TNIK: variants seen among roughly 807,000 people sequenced by gnomAD.
TNIK encodes the protein TRAF2 and NCK-interacting protein kinase.
TNIK carries 49 observed loss-of-function variants against 191.3 expected under a neutral mutation model. The observed-to-expected ratio is 0.26, with a 90% confidence interval of 0.20 to 0.32. TNIK has a LOEUF of 0.32. Among genes scored for constraint, TNIK ranks in the 10% least tolerant of loss-of-function variants. The probability of loss-of-function intolerance (pLI) is 1.00; values close to 1 mark genes in which losing one functional copy is unlikely to be tolerated. For synonymous variants in TNIK, 594 were observed against 600.9 expected, an observed-to-expected ratio of 0.99 and a Z score of 0.17; for missense variants, 1,155 against 1,702.3, an observed-to-expected ratio of 0.68 and a Z score of 5.66.
chr3:171,336,770 A>G (rs1359723844), intron 2 of TNIK, among the ~76,000 whole-genome samples: 3 of 152,216 alleles, frequency 2.0e-5, no homozygotes, highest in Non-Finnish European at 4.4e-5. Context: ...CAGTTTTTCC[A>G]GTTCCAATTG....
intron 1 of TNIK, among the ~76,000 whole-genome samples, chr3:171,420,132 G>A (rs951698676): frequency 6.6e-6 from 1 of 152,136 alleles, no homozygotes; most frequent in Non-Finnish European, 1.5e-5. Context: ...ACTTATGAGG[G>A]TTTTTATTTC....
chr3:171,351,269 A>ATGTGTGTGTGTG (rs140083535), intron 2 of TNIK, among the ~76,000 whole-genome samples: 7,364 of 147,004 alleles, frequency 0.05, 217 homozygotes, highest in Non-Finnish European at 0.052. Context: ...ATATATGTAT[A>ATGTGTGTGTGTG]TATGTGTGTG....
chr3:171,139,569 G>A lies in TNIK; in HGVS notation c.1333-13C>T, dbSNP rs756694613. On this transcript the variant is annotated splice_polypyrimidine_tract_variant and intron_variant, in intron 13 of 32. Transcript: ENST00000436636. The stretch of plus-strand genomic sequence containing the variant: ...GCCTGATGTATTCCTGGAGAGGTAG[G>A]CAGCAGAGAATTCAGAGGAACAGAA... The A allele has an allele frequency of 1.1e-5, 18 of 1,613,094 alleles. No homozygotes were observed. The highest frequency in any genetic ancestry group is 3.3e-5 in the South Asian group (3 of 91,054).
At chr3:171,406,414 T>C (rs1721691461) in intron 1 of TNIK, among the ~76,000 whole-genome samples, 1 of 151,834 alleles carries the variant, frequency 6.6e-6, no homozygotes, top group Non-Finnish European at 1.5e-5. Flanking sequence ...CAAACACCAT[T>C]TGGGGTTTGG....
rs11915861 is a variant in TNIK at position 171,066,776 on chromosome 3, A to G, written c.3700-41T>C. ...AAGCCAAGCATTATTCTTTTAAAAA[A>G]TAAAACACCTTGACTATTCATCTCT... On this transcript the variant is annotated intron_variant, in intron 30 of 32. Transcript: ENST00000436636. The G allele has an allele frequency of 6.6e-4, 1,054 of 1,586,178 alleles. 9 individuals are homozygous for G. In the African/African-American group the frequency reaches 0.012, roughly 18 times the overall value.
At position 171,060,266 on chromosome 3, in the gene TNIK, G is replaced by C. The variant is rs1252621240; in HGVS notation, c.*3615C>G. On this transcript the variant is annotated 3_prime_UTR_variant, in exon 33 of 33. Transcript: ENST00000436636. ...TCCTGGCAGTGGATAAAACCAAAAT[G>C]GTTCTGGCTGGAATTTCACATCTTT... 6.6e-6 allele frequency among the ~76,000 whole-genome samples: 1 copy of C among 152,146 alleles called. No homozygotes were observed. Among genetic ancestry groups the C allele is most frequent in the African/African-American group, 2.4e-5 (1 of 41,436 alleles).
chr3:171,173,505 C>T (rs1735598797), intron 9 of TNIK, among the ~76,000 whole-genome samples: 1 of 152,162 alleles, frequency 6.6e-6, no homozygotes, highest in Non-Finnish European at 1.5e-5. Context: ...GAAGGACAAT[C>T]ACTTGTCCTA....
chr3:171,264,115 TATA>T (rs2109146244), intron 2 of TNIK, among the ~76,000 whole-genome samples: 1 of 103,162 alleles, frequency 9.7e-6, no homozygotes, highest in Non-Finnish European at 1.9e-5. Context: ...CACACACATA[TATA>T]TATATATATA....
At chr3:171,228,062 T>C in intron 3 of TNIK, 103 bp downstream of exon 3, 2 of 1,326,488 alleles carry the variant, frequency 1.5e-6, no homozygotes, top group Non-Finnish European at 2.1e-6. Context: ...CATTTTCAAC[T>C]TAACAATATT....
At chr3:171,380,870 G>A (rs533152868) in intron 1 of TNIK, among the ~76,000 whole-genome samples, 4 of 152,360 alleles carry the variant, frequency 2.6e-5, no homozygotes, top group African/African-American at 9.6e-5. Flanking sequence ...AGGGTGAGAT[G>A]GCCCAGAGCC....
intron 15 of TNIK, 95 bp from the exon 16 acceptor site, chr3:171,128,973 C>G: frequency 1.4e-6 from 2 of 1,428,866 alleles, no homozygotes; most frequent in African/African-American, 2.9e-5. Flanking sequence ...CCTGCACAGC[C>G]ATTTGAATCC....
At chr3:171,271,507 C>T (rs1237162860) in intron 2 of TNIK, among the ~76,000 whole-genome samples, 2 of 152,202 alleles carry the variant, frequency 1.3e-5, no homozygotes, top group East Asian at 3.8e-4. Flanking sequence ...ACACTTATGT[C>T]CATCTGTTCA....
intron 2 of TNIK, among the ~76,000 whole-genome samples, chr3:171,295,567 T>C (rs895362903): frequency 1.3e-5 from 2 of 152,152 alleles, no homozygotes; most frequent in Non-Finnish European, 2.9e-5. Flanking sequence ...CCTCTCACCC[T>C]CTCCACAAAG....
chr3:171,367,891 C>T (rs561920351), intron 2 of TNIK, among the ~76,000 whole-genome samples: 2 of 152,194 alleles, frequency 1.3e-5, no homozygotes, highest in South Asian at 4.1e-4. Context: ...TCACTGCATT[C>T]ACCATGACCA....
chr3:171,161,231 G>C (rs1197497779), intron 11 of TNIK, 39 bp downstream of exon 11: 8 of 1,590,950 alleles, frequency 5.0e-6, no homozygotes, highest in Non-Finnish European at 6.9e-6. Context: ...GCACAATTCA[G>C]AATGTGAACA....
chr3:171,235,773 G>GC (rs1056536560), intron 2 of TNIK, among the ~76,000 whole-genome samples: 9 of 151,728 alleles, frequency 5.9e-5, no homozygotes, highest in African/African-American at 2.2e-4. Context: ...TTTGGTGGGG[G>GC]GGGGGTTTAT....
At chr3:171,390,392 T>G (rs1203895539) in intron 1 of TNIK, among the ~76,000 whole-genome samples, 3 of 152,230 alleles carry the variant, frequency 2.0e-5, no homozygotes, top group African/African-American at 7.2e-5. Flanking sequence ...TATGCAAGGT[T>G]ACAGCCTCTT....
At chr3:171,148,808 C>T (rs1226135679) in intron 12 of TNIK, among the ~76,000 whole-genome samples, 1 of 152,182 alleles carries the variant, frequency 6.6e-6, no homozygotes, top group African/African-American at 2.4e-5. Context: ...AGGGATATCA[C>T]AAGAACTCGA....
chr3:171,460,224 G>A lies in TNIK; in HGVS notation c.-161C>T. Reference sequence around the variant, plus strand: ...CCCCAGCCCCACAGCGCCGGATCCCGATCCTCCGCGCGTCGGTCCGCCGGG... The same window carrying A: ...CCCCAGCCCCACAGCGCCGGATCCCAATCCTCCGCGCGTCGGTCCGCCGGG... On this transcript the variant is annotated 5_prime_UTR_variant, in exon 1 of 33. Coordinates refer to ENST00000436636, the MANE Select transcript of TNIK (RefSeq NM_015028.4). This position sits in a 1 kb window ranked among gnomAD's most constrained non-coding sequence, Gnocchi z 6.8. The A allele has an allele frequency of 4.6e-6, 4 of 869,506 alleles. No homozygotes were observed. The highest frequency in any genetic ancestry group is 7.0e-6 in the Non-Finnish European group (4 of 569,620). 53.9% of individuals were successfully genotyped at this position (869,506 alleles called of 1,614,324 possible).
Sources: gnomAD v4.1 joint callset for allele counts (sites outside exome capture counted in the v4.1 genomes callset) on GRCh38, gnomAD v4.1.1 for gene constraint, Gnocchi (gnomAD v3.1) non-coding constraint, MANE v1.5 for transcripts, NCBI Gene and HGNC (gene_info 2026-07-23, HGNC 2026-07-21) for gene names.